The following TBC1D4 variants were observed in gnomAD, a reference collection of about 807,000 sequenced individuals.
The protein encoded by TBC1D4 is TBC (Tre-2, BUB2, CDC16) domain-containing protein.
Under a neutral mutation model 142.5 loss-of-function variants are expected in TBC1D4, and 121 were observed. That is an observed-to-expected ratio of 0.85 (90% confidence interval 0.73 to 0.99). The LOEUF is 0.99. TBC1D4 is among the 50% of genes least tolerant of loss of function. The probability of loss-of-function intolerance (pLI) is 0.00; values close to 1 mark genes in which losing one functional copy is unlikely to be tolerated. For synonymous variants in TBC1D4, 630 were observed against 628.2 expected, an observed-to-expected ratio of 1.00 and a Z score of -0.04; for missense variants, 1,475 against 1,606.6, an observed-to-expected ratio of 0.92 and a Z score of 1.40.
intron 1 of TBC1D4, among the ~76,000 whole-genome samples, chr13:75,445,927 C>T (rs934583052): frequency 3.9e-5 from 6 of 152,134 alleles, no homozygotes; most frequent in Non-Finnish European, 7.3e-5. Context: ...TACAGAGCAG[C>T]TGGTTTTATT....
chr13:75,363,477 G>A (rs556946884), intron 1 of TBC1D4, among the ~76,000 whole-genome samples: 4 of 152,332 alleles, frequency 2.6e-5, no homozygotes, highest in African/African-American at 9.6e-5. Flanking sequence ...CCTTTGGAAA[G>A]GTTAATCAGA....
In TBC1D4 at chr13:75,481,956, C is replaced by T. The variant is rs1593936301; in HGVS notation, c.-189G>A. On this transcript the variant is annotated 5_prime_UTR_variant, in exon 1 of 21. Coordinates refer to ENST00000377636, the MANE Select transcript of TBC1D4 (RefSeq NM_014832.5). The stretch of plus-strand genomic sequence containing the variant: ...ATGCAGCACTTCCACGGGCGCGGCT[C>T]GGAGGCTCCGGCGGCGGGCACCGAG... The T allele has an allele frequency of 1.1e-5, 9 of 816,950 alleles. No individual in the cohort carries two copies. Among genetic ancestry groups the T allele is most frequent in the African/African-American group, 1.8e-5 (1 of 55,842 alleles). 50.6% of individuals were successfully genotyped at this position (816,950 alleles called of 1,614,324 possible).
At chr13:75,429,971 G>A (rs1449917303) in intron 1 of TBC1D4, among the ~76,000 whole-genome samples, 1 of 152,146 alleles carries the variant, frequency 6.6e-6, no homozygotes, top group Non-Finnish European at 1.5e-5. Flanking sequence ...TGGAATAGGA[G>A]AAGAGCTAGA....
chr13:75,446,523 G>C (rs1887291960), intron 1 of TBC1D4, among the ~76,000 whole-genome samples: 1 of 152,320 alleles, frequency 6.6e-6, no homozygotes, highest in East Asian at 1.9e-4. Flanking sequence ...TGTTAACGTA[G>C]TTTTTATTCA....
intron 1 of TBC1D4, among the ~76,000 whole-genome samples, chr13:75,447,110 G>A (rs1404846432): frequency 3.3e-5 from 5 of 152,194 alleles, no homozygotes; most frequent in Non-Finnish European, 1.5e-5. Flanking sequence ...CGTGGTTACA[G>A]GAGTTACTTT....
intron 8 of TBC1D4, among the ~76,000 whole-genome samples, chr13:75,334,117 T>A (rs1879997246): frequency 6.6e-6 from 1 of 152,190 alleles, no homozygotes; most frequent in Admixed American, 6.5e-5. Context: ...AATATCTTAT[T>A]TATGATAAAA....
intron 1 of TBC1D4, among the ~76,000 whole-genome samples, chr13:75,381,989 T>A (rs1883878837): frequency 6.6e-6 from 1 of 152,166 alleles, no homozygotes; most frequent in African/African-American, 2.4e-5. Flanking sequence ...CAGAAAGAGT[T>A]GAACACTAGG....
At chr13:75,391,791 C>T (rs67388454) in intron 1 of TBC1D4, among the ~76,000 whole-genome samples, 40,046 of 152,068 alleles carry the variant, frequency 0.26, 5,544 homozygotes, top group African/African-American at 0.29. Context: ...GCCACTCTCC[C>T]TTACTCAGTC....
intron 12 of TBC1D4, among the ~76,000 whole-genome samples, chr13:75,315,429 T>TATATATATATATATACAC: frequency 6.8e-6 from 1 of 146,260 alleles, no homozygotes; most frequent in Non-Finnish European, 1.5e-5. Context: ...CACACACATA[T>TATATATATATATATACAC]ATATATATAT....
At chr13:75,474,356 G>A (rs1199075052) in intron 1 of TBC1D4, among the ~76,000 whole-genome samples, 2 of 152,194 alleles carry the variant, frequency 1.3e-5, no homozygotes, top group South Asian at 2.1e-4. Context: ...TCAGGAAATC[G>A]AGACCATCCT....
rs1883718060 is a variant in TBC1D4, at chr13:75,379,885, C to CTTTTTTTTTTTTTTTTTTTTTTTTTTT, written c.499-17279_499-17278insAAAAAAAAAAAAAAAAAAAAAAAAAAA. Among the ~76,000 whole-genome samples, 2 of 98,536 alleles carry CTTTTTTTTTTTTTTTTTTTTTTTTTTT rather than the reference C, an allele frequency of 2.0e-5. 1 individual carries two copies. The highest frequency in any genetic ancestry group is 4.0e-5 in the Non-Finnish European group (2 of 50,102). 64.6% of individuals were successfully genotyped at this position (98,536 alleles called of 152,430 possible). ...AAGTATATCAGTTTTGTTCATCTGACTCTTTTTTTTTTTTTTTTTTTTTTT... is the reference window on the plus strand; with the variant it reads ...AAGTATATCAGTTTTGTTCATCTGACTTTTTTTTTTTTTTTTTTTTTTTTTTTTCTTTTTTTTTTTTTTTTTTTTTTT... On this transcript the variant is annotated intron_variant, in intron 1 of 20. Transcript: ENST00000377636.
At chr13:75,292,643 G>C (rs1875434698) in intron 18 of TBC1D4, among the ~76,000 whole-genome samples, 1 of 151,102 alleles carries the variant, frequency 6.6e-6, no homozygotes, top group Non-Finnish European at 1.5e-5. Flanking sequence ...CATAACCAAT[G>C]AGTACTATTC....
At chr13:75,380,625 T>C in intron 1 of TBC1D4, among the ~76,000 whole-genome samples, 1 of 152,178 alleles carries the variant, frequency 6.6e-6, no homozygotes, top group East Asian at 1.9e-4. Context: ...CTCGGCATTT[T>C]ATGTTCCCAC....
At chr13:75,312,934 G>C in intron 12 of TBC1D4, 36 bp from the exon 13 acceptor site, 2 of 1,612,014 alleles carry the variant, frequency 1.2e-6, no homozygotes, top group Non-Finnish European at 1.7e-6. Context: ...CTTATAAGGA[G>C]AGCTGCACAT....
rs1329172300 is a variant in TBC1D4, at chr13:75,428,182, T to TG, written c.498+53087dup. On this transcript the variant is annotated intron_variant, in intron 1 of 20. Coordinates refer to ENST00000377636, the MANE Select transcript of TBC1D4 (RefSeq NM_014832.5). ...TTTGTTTATTATTTTGGGGAGGACT[T>TG]GGGGGGAGTAGAGGGAAGGGATGAA... 3.3e-5 allele frequency among the ~76,000 whole-genome samples: 5 copies of TG among 151,988 alleles called. No homozygotes were observed. The South Asian group carries it at 6.2e-4, about 19-fold the overall frequency.
intron 16 of TBC1D4, 134 bp downstream of exon 16, chr13:75,302,109 A>G: frequency 9.3e-7 from 1 of 1,077,100 alleles, no homozygotes; most frequent in African/African-American, 1.6e-5. Flanking sequence ...CCCTCAGTAA[A>G]GGACAAAGTC....
chr13:75,396,273 T>C (rs1211939787), intron 1 of TBC1D4, among the ~76,000 whole-genome samples: 1 of 152,214 alleles, frequency 6.6e-6, no homozygotes, highest in Non-Finnish European at 1.5e-5. Context: ...TTAATGGAGT[T>C]TATATCTCAA....
At chr13:75,345,207 G>A (rs1199844564) in intron 5 of TBC1D4, among the ~76,000 whole-genome samples, 1 of 152,176 alleles carries the variant, frequency 6.6e-6, no homozygotes, top group Non-Finnish European at 1.5e-5. Context: ...GCTGCTTCAT[G>A]TGTAAAAGAG....
chr13:75,291,970 T>C (rs1787111871), intron 19 of TBC1D4, 132 bp downstream of exon 19: 1 of 804,796 alleles, frequency 1.2e-6, no homozygotes, highest in African/African-American at 1.7e-5. Flanking sequence ...AATTTCACAA[T>C]AGTCCCCTTT....
Sources: gnomAD v4.1 joint callset for allele counts (sites outside exome capture counted in the v4.1 genomes callset) on GRCh38, gnomAD v4.1.1 for gene constraint, MANE v1.5 for transcripts, NCBI Gene and HGNC (gene_info 2026-07-23, HGNC 2026-07-21) for gene names.